Variants in PRKCE observed in about 807,000 individuals in gnomAD.
PRKCE encodes protein kinase C epsilon.
Under a neutral mutation model 85.4 loss-of-function variants are expected in PRKCE, and 16 were observed. The ratio of observed to expected loss-of-function variants is 0.19; its 90% CI spans 0.13 to 0.28. The LOEUF is 0.28. Ranked by LOEUF, PRKCE falls within the 10% of genes least tolerant of loss-of-function variation. The pLI, the probability that PRKCE is intolerant of heterozygous loss-of-function variation, is 1.00. For missense variants in PRKCE, 573 were observed against 975.2 expected (o/e 0.59, Z 5.49); for synonymous variants, 388 against 371.5 (o/e 1.04, Z -0.51).
intron 1 of PRKCE, among the ~76,000 whole-genome samples, chr2:45,680,612 T>C (rs1260807245): frequency 6.6e-6 from 1 of 152,194 alleles, no homozygotes; most frequent in Non-Finnish European, 1.5e-5. Flanking sequence ...GCCAGTAGGC[T>C]AAAACTCACA....
chr2:46,084,030 C>G (rs1475852594), intron 10 of PRKCE, among the ~76,000 whole-genome samples: 1 of 152,088 alleles, frequency 6.6e-6, no homozygotes, highest in Admixed American at 6.5e-5. Flanking sequence ...CTGGGGTTGG[C>G]GAGAGCATTT....
chr2:45,973,203 C>T (rs1442484236), intron 2 of PRKCE, among the ~76,000 whole-genome samples: 1 of 152,220 alleles, frequency 6.6e-6, no homozygotes, highest in African/African-American at 2.4e-5. Flanking sequence ...TAGGGAGGTT[C>T]TTGGGGACTG....
chr2:46,140,833 G>A (rs910927639), intron 11 of PRKCE, among the ~76,000 whole-genome samples: 6 of 151,600 alleles, frequency 4.0e-5, no homozygotes, highest in Non-Finnish European at 7.4e-5. Context: ...CCTAAAAATC[G>A]ATAAAAAACA....
At chr2:45,870,312 G>A (rs1693989844) in intron 2 of PRKCE, among the ~76,000 whole-genome samples, 1 of 152,206 alleles carries the variant, frequency 6.6e-6, no homozygotes, top group Admixed American at 6.5e-5. Flanking sequence ...TAGGAAAGGG[G>A]TCTGACCAGC....
chr2:46,031,984 C>T (rs1378028775), intron 10 of PRKCE, among the ~76,000 whole-genome samples: 1 of 152,164 alleles, frequency 6.6e-6, no homozygotes, highest in East Asian at 1.9e-4. Context: ...ACTTTTCAGA[C>T]ATTTATTTGG....
At chr2:45,943,659 G>A (rs1164552083) in intron 2 of PRKCE, among the ~76,000 whole-genome samples, 2 of 152,088 alleles carry the variant, frequency 1.3e-5, no homozygotes, top group South Asian at 2.1e-4. Flanking sequence ...CTTTGAGGAG[G>A]ACACAGAATA....
chr2:46,001,511 G>T lies in PRKCE; in HGVS notation c.931G>T (p.Asp311Tyr). Residue 311 changes from aspartate (D) to tyrosine (Y), a missense_variant, in exon 7 of 15, where the codon GAC becomes TAC. By Grantham distance (160) the Asp-to-Tyr change is radical (BLOSUM62 -3). Transcript: ENST00000306156. This position sits in a 1 kb window ranked among gnomAD's most constrained non-coding sequence, Gnocchi z 4.4. ...ACTGGCCGACCTGGGCGTTACCCCAGACAAAATCACCAACAGCGGCCAGAG... is the reference window on the plus strand; with the variant it reads ...ACTGGCCGACCTGGGCGTTACCCCATACAAAATCACCAACAGCGGCCAGAG... The part of the protein sequence containing the change: ...KVLADLGVTP[D>Y]KITNSGQRRK... 1 of 1,599,342 alleles carries T rather than the reference G, an allele frequency of 6.3e-7. No homozygotes were observed. Among genetic ancestry groups the T allele is most frequent in the Non-Finnish European group, 8.5e-7 (1 of 1,179,760 alleles).
intron 1 of PRKCE, among the ~76,000 whole-genome samples, chr2:45,781,483 C>T (rs1429410894): frequency 6.6e-6 from 1 of 152,138 alleles, no homozygotes; most frequent in Non-Finnish European, 1.5e-5. Context: ...ACCTTAATGA[C>T]AATTTGTTTG....
chr2:45,864,525 T>C (rs1693427916), intron 2 of PRKCE, among the ~76,000 whole-genome samples: 2 of 152,228 alleles, frequency 1.3e-5, no homozygotes, highest in Admixed American at 1.3e-4. Flanking sequence ...GCCTTCTTAA[T>C]GTACTGAGAA....
At chr2:45,910,803 G>A (rs184684843) in intron 2 of PRKCE, among the ~76,000 whole-genome samples, 149 of 152,280 alleles carry the variant, frequency 9.8e-4, no homozygotes, top group African/African-American at 3.4e-3. Flanking sequence ...GGCTAGAGCT[G>A]CAGGCCTGGC....
At chr2:45,838,625 T>TA (rs1238551468) in intron 1 of PRKCE, among the ~76,000 whole-genome samples, 12 of 151,184 alleles carry the variant, frequency 7.9e-5, no homozygotes, top group South Asian at 2.1e-4. Context: ...TTACCTTAGT[T>TA]AAAAAAAAAT....
intron 11 of PRKCE, among the ~76,000 whole-genome samples, chr2:46,111,565 A>T (rs1392787668): frequency 6.6e-6 from 1 of 152,162 alleles, no homozygotes; most frequent in Admixed American, 6.5e-5. Flanking sequence ...CCTGTTCTGG[A>T]CATTTTGCAC....
intron 1 of PRKCE, among the ~76,000 whole-genome samples, chr2:45,733,745 T>C (rs1183321319): frequency 6.6e-6 from 1 of 152,124 alleles, no homozygotes; most frequent in Non-Finnish European, 1.5e-5. Flanking sequence ...TCCCCCAAAG[T>C]CGTGTAGTAG....
At chr2:46,012,445 G>A (rs937572708) in intron 10 of PRKCE, among the ~76,000 whole-genome samples, 1 of 152,122 alleles carries the variant, frequency 6.6e-6, no homozygotes, top group Non-Finnish European at 1.5e-5. Context: ...TCCCAAGGTA[G>A]TGGGGCCTTG....
chr2:46,167,782 A>C (rs1035709053), intron 14 of PRKCE: 1 of 118,654 alleles, frequency 8.4e-6, no homozygotes, highest in Non-Finnish European at 1.6e-5. Context: ...CTCTGTGACC[A>C]TGCTTACCAC....
intron 9 of PRKCE, among the ~76,000 whole-genome samples, chr2:46,008,186 G>T (rs189716060): frequency 6.6e-6 from 1 of 152,094 alleles, no homozygotes; most frequent in African/African-American, 2.4e-5. Flanking sequence ...TCCTTTACAC[G>T]TGGCAAGAAA....
At position 45,979,023 on chromosome 2, in the gene PRKCE, T is replaced by C; in HGVS notation, c.607+13T>C. 1 of 1,598,590 alleles carries C rather than the reference T, an allele frequency of 6.3e-7. No homozygotes were observed. The highest frequency in any genetic ancestry group is 8.5e-7 in the Non-Finnish European group (1 of 1,179,018). ...TACCAGTGTCAAGGTAAGAGGCATT[T>C]ATGAATTAAATCTTCAGAGGCCCGT... is the stretch of plus-strand genomic sequence containing the variant. On this transcript the variant is annotated intron_variant, in intron 4 of 14. Coordinates refer to ENST00000306156, the MANE Select transcript of PRKCE (RefSeq NM_005400.3).
chr2:45,770,163 T>C (rs1180130218), intron 1 of PRKCE, among the ~76,000 whole-genome samples: 2 of 152,196 alleles, frequency 1.3e-5, no homozygotes, highest in Non-Finnish European at 2.9e-5. Context: ...TCCAGCCCTC[T>C]CTCGGACTGC....
chr2:45,741,046 A>G (rs1558618752), intron 1 of PRKCE, among the ~76,000 whole-genome samples: 1 of 152,236 alleles, frequency 6.6e-6, no homozygotes, highest in Non-Finnish European at 1.5e-5. Context: ...TTGTGAAAAA[A>G]TTAAAAAGGT....
Sources: gnomAD v4.1 joint callset for allele counts (sites outside exome capture counted in the v4.1 genomes callset) on GRCh38, gnomAD v4.1.1 for gene constraint, Gnocchi (gnomAD v3.1) non-coding constraint, MANE v1.5 for transcripts, NCBI Gene and HGNC (gene_info 2026-07-23, HGNC 2026-07-21) for gene names.